DPP6: variants seen among roughly 807,000 people sequenced by gnomAD.
DPP6 encodes A-type potassium channel modulatory protein DPP6.
Under a neutral mutation model 122.6 loss-of-function variants are expected in DPP6, and 69 were observed. The ratio of observed to expected loss-of-function variants is 0.56; its 90% CI spans 0.46 to 0.69. The LOEUF (loss-of-function observed/expected upper bound fraction) is 0.69, where lower values mean the gene tolerates loss of function less well. Among genes scored for constraint, DPP6 ranks in the 30% least tolerant of loss-of-function variants. The pLI, the probability that DPP6 is intolerant of heterozygous loss-of-function variation, is 0.00. For missense variants in DPP6, 928 were observed against 1,116.9 expected, an observed-to-expected ratio of 0.83 and a Z score of 2.41; for synonymous variants, 418 against 433.1, an observed-to-expected ratio of 0.97 and a Z score of 0.43.
At chr7:153,757,427 C>G in the DPP6 span, among the ~76,000 whole-genome samples, 1 of 152,198 alleles carries the variant, frequency 6.6e-6, no homozygotes, top group Non-Finnish European at 1.5e-5. Context: ...AACTTCTTAA[C>G]TGTGTGACTT....
chr7:154,500,984 G>T (rs1176657937), intron 3 of DPP6, among the ~76,000 whole-genome samples: 1 of 152,212 alleles, frequency 6.6e-6, no homozygotes, highest in Non-Finnish European at 1.5e-5. Context: ...GGCTGAGGTG[G>T]TCTCAGACAG....
intron 3 of DPP6, among the ~76,000 whole-genome samples, chr7:154,516,887 C>T (rs571596810): frequency 2.5e-4 from 38 of 152,160 alleles, no homozygotes; most frequent in Non-Finnish European, 4.0e-4. Flanking sequence ...CTTGGCAACA[C>T]GGACCAAGGC....
chr7:154,031,861 G>GTT (rs570904091), intron 1 of DPP6, among the ~76,000 whole-genome samples: 11 of 120,308 alleles, frequency 9.1e-5, no homozygotes, highest in Admixed American at 1.7e-4. Context: ...CCTTTTTTTT[G>GTT]TTTTTTTTTT....
chr7:154,744,569 C>T (rs1055417517), intron 8 of DPP6, among the ~76,000 whole-genome samples: 2 of 152,192 alleles, frequency 1.3e-5, no homozygotes, highest in African/African-American at 4.8e-5. Flanking sequence ...AAGGAGGCTG[C>T]GAGCCTTGCA....
intron 1 of DPP6, among the ~76,000 whole-genome samples, chr7:154,217,464 G>A (rs1158452490): frequency 2.6e-5 from 4 of 152,170 alleles, no homozygotes; most frequent in East Asian, 1.9e-4. Context: ...GGATGTTAGT[G>A]TGTAAATTGG....
intron 1 of DPP6, among the ~76,000 whole-genome samples, chr7:153,889,835 C>G (rs1799109483): frequency 1.3e-5 from 2 of 152,224 alleles, no homozygotes; most frequent in South Asian, 4.1e-4. Context: ...GAGATGCACA[C>G]TTACTCAAAC....
At chr7:154,235,694 T>G (rs1801170609) in intron 1 of DPP6, among the ~76,000 whole-genome samples, 1 of 152,124 alleles carries the variant, frequency 6.6e-6, no homozygotes, top group African/African-American at 2.4e-5. Context: ...CCTGTTTTTC[T>G]TTTTTTCCCC....
intron 1 of DPP6, among the ~76,000 whole-genome samples, chr7:154,304,677 C>T (rs904071106): frequency 2.6e-5 from 4 of 151,382 alleles, no homozygotes; most frequent in African/African-American, 7.3e-5. Context: ...AACGATGGAA[C>T]ATAAGTTTTC....
chr7:153,855,562 T>C, the DPP6 span, among the ~76,000 whole-genome samples: 36 of 152,220 alleles, frequency 2.4e-4, no homozygotes, highest in Non-Finnish European at 1.9e-4. Context: ...CTTTTTCACA[T>C]GTGGTCATGA....
intron 7 of DPP6, among the ~76,000 whole-genome samples, chr7:154,701,741 C>T (rs935759531): frequency 1.3e-5 from 2 of 152,118 alleles, no homozygotes; most frequent in African/African-American, 4.8e-5. Context: ...CTTCATTGGG[C>T]CAGAAAAAAA....
intron 6 of DPP6, among the ~76,000 whole-genome samples, chr7:154,668,954 G>A (rs533003211): frequency 1.3e-5 from 2 of 152,252 alleles, no homozygotes; most frequent in South Asian, 2.1e-4. Context: ...AATGACCTGC[G>A]TTATACCTAG....
At chr7:154,009,107 CT>C (rs1195698699) in intron 1 of DPP6, among the ~76,000 whole-genome samples, 5 of 87,338 alleles carry the variant, frequency 5.7e-5, no homozygotes, top group South Asian at 4.8e-4. Flanking sequence ...TGATGAGGAC[CT>C]TTTTTTTTGG....
chr7:154,467,052 T>C (rs1210415918), intron 2 of DPP6, among the ~76,000 whole-genome samples: 1 of 152,196 alleles, frequency 6.6e-6, no homozygotes, highest in Non-Finnish European at 1.5e-5. Context: ...ATGACAGTTA[T>C]AGACATTCTT....
chr7:154,387,815 G>C (rs10952474), intron 1 of DPP6, among the ~76,000 whole-genome samples: 105,884 of 152,106 alleles, frequency 0.7, 37,996 homozygotes, highest in South Asian at 0.8. Context: ...ACTAACCACA[G>C]TTGGTAGCTC....
chr7:154,430,977 A>G (rs1185913534), intron 1 of DPP6, among the ~76,000 whole-genome samples: 1 of 152,192 alleles, frequency 6.6e-6, no homozygotes, highest in African/African-American at 2.4e-5. Flanking sequence ...CCACGGTGCT[A>G]GAGAGGTGGA....
At chr7:154,556,825 T>G (rs929676728) in intron 4 of DPP6, among the ~76,000 whole-genome samples, 15 of 151,984 alleles carry the variant, frequency 9.9e-5, no homozygotes, top group African/African-American at 3.6e-4. Context: ...TAATAGAAAA[T>G]GAACAAAAAT....
chr7:154,674,092 T>C (rs1006459096), intron 7 of DPP6, among the ~76,000 whole-genome samples: 1 of 152,248 alleles, frequency 6.6e-6, no homozygotes, highest in East Asian at 1.9e-4. Context: ...GCCAAGCTGG[T>C]CTTGAACCCC....
intron 1 of DPP6, among the ~76,000 whole-genome samples, chr7:154,293,062 G>C (rs1015500122): frequency 6.6e-6 from 1 of 152,062 alleles, no homozygotes; most frequent in African/African-American, 2.4e-5. Flanking sequence ...TGGCAATTCT[G>C]ACTTCCCATT....
rs373507389 is a variant in DPP6 at position 153,888,845 on chromosome 7, C to G, written c.51+1111C>G. ...GAAGAAATTCTTTCAGGGGCAAGGT[C>G]CAGAGTTGTTTACAGAAGTGGGTTG... On this transcript the variant is annotated intron_variant, in intron 1 of 25. Coordinates refer to the DPP6 transcript ENST00000404039. Among the ~76,000 whole-genome samples, 2 of 151,610 alleles carry G rather than the reference C, an allele frequency of 1.3e-5. 1 individual carries two copies. Among genetic ancestry groups the G allele is most frequent in the Admixed American group, 1.3e-4 (2 of 15,204 alleles).
Sources: gnomAD v4.1 joint callset for allele counts (sites outside exome capture counted in the v4.1 genomes callset) on GRCh38, gnomAD v4.1.1 for gene constraint, MANE v1.5 for transcripts, NCBI Gene and HGNC (gene_info 2026-07-23, HGNC 2026-07-21) for gene names.